SLC24A2: variants seen among roughly 807,000 people sequenced by gnomAD.
SLC24A2 encodes solute carrier family 24 member 2.
In SLC24A2, 36 loss-of-function variants were observed where a neutral mutation model predicts 62.0. The observed-to-expected ratio is 0.58, with a 90% CI of 0.44 to 0.77. SLC24A2 has a LOEUF of 0.77. Among genes scored for constraint, SLC24A2 ranks in the 30% least tolerant of loss-of-function variants. The pLI is 0.00. For missense variants in SLC24A2, 846 were observed against 817.9 expected (o/e 1.03, Z -0.42); for synonymous variants, 358 against 294.0 (o/e 1.22, Z -2.23).
At chr9:19,726,519 G>C (rs937703352) in intron 2 of SLC24A2, among the ~76,000 whole-genome samples, 2 of 152,128 alleles carry the variant, frequency 1.3e-5, no homozygotes, top group African/African-American at 4.8e-5. Context: ...ACAGGAAAAG[G>C]AACAGAAGAG....
At chr9:19,794,929 TCTAC>T in the SLC24A2 span, among the ~76,000 whole-genome samples, 1 of 152,066 alleles carries the variant, frequency 6.6e-6, no homozygotes, top group African/African-American at 2.4e-5. Flanking sequence ...TAAGCTAGAC[TCTAC>T]CTATTTCTAG....
the SLC24A2 span, among the ~76,000 whole-genome samples, chr9:19,963,063 G>A: frequency 6.0e-4 from 92 of 152,092 alleles, no homozygotes; most frequent in East Asian, 0.013. Context: ...AAATAACGCC[G>A]CATATCTACA....
intron 7 of SLC24A2, among the ~76,000 whole-genome samples, chr9:19,556,156 T>C (rs1293467488): frequency 1.3e-5 from 2 of 152,220 alleles, no homozygotes; most frequent in African/African-American, 4.8e-5. Flanking sequence ...TTTTATCTGG[T>C]AAATGGGAGG....
At chr9:19,738,506 C>G (rs755523723) in intron 2 of SLC24A2, among the ~76,000 whole-genome samples, 3 of 149,766 alleles carry the variant, frequency 2.0e-5, no homozygotes, top group Non-Finnish European at 3.0e-5. Flanking sequence ...AACAATAAAG[C>G]AAAAAAGAAA....
the SLC24A2 span, among the ~76,000 whole-genome samples, chr9:19,798,626 A>ACACACACACC: frequency 2.3e-3 from 339 of 150,058 alleles, no homozygotes; most frequent in African/African-American, 7.9e-3. Flanking sequence ...ACACACACAC[A>ACACACACACC]CCCCTGGAAA....
At chr9:19,895,830 C>A in the SLC24A2 span, 1 of 1,604,396 alleles carries the variant, frequency 6.2e-7, no homozygotes, top group South Asian at 1.1e-5. Context: ...TGTGGAAGGA[C>A]CGCTCCTCAG....
chr9:19,846,204 A>G, the SLC24A2 span, among the ~76,000 whole-genome samples: 1 of 152,174 alleles, frequency 6.6e-6, no homozygotes. Context: ...GAAGTCACCC[A>G]TTATTATTGT....
chr9:20,222,852 G>A, the SLC24A2 span, among the ~76,000 whole-genome samples: 9 of 152,124 alleles, frequency 5.9e-5, no homozygotes, highest in Non-Finnish European at 1.0e-4. Flanking sequence ...ACTACAGCAA[G>A]CATTATCTTA....
At chr9:19,718,702 C>A (rs1037915778) in intron 2 of SLC24A2, among the ~76,000 whole-genome samples, 2 of 152,118 alleles carry the variant, frequency 1.3e-5, no homozygotes, top group Non-Finnish European at 2.9e-5. Context: ...ATCACGGACA[C>A]TGAATGACTA....
At chr9:20,131,564 G>A in the SLC24A2 span, among the ~76,000 whole-genome samples, 1 of 152,132 alleles carries the variant, frequency 6.6e-6, no homozygotes, top group African/African-American at 2.4e-5. Flanking sequence ...GGCCTAAGAA[G>A]TAAGATTCAG....
the SLC24A2 span, among the ~76,000 whole-genome samples, chr9:19,988,704 T>A: frequency 5.8e-4 from 88 of 152,244 alleles, no homozygotes; most frequent in African/African-American, 2.1e-3. Context: ...ACAGAGGTGG[T>A]TCTGCTTTTG....
At chr9:20,151,895 C>A in the SLC24A2 span, among the ~76,000 whole-genome samples, 2 of 151,720 alleles carry the variant, frequency 1.3e-5, no homozygotes, top group Non-Finnish European at 2.9e-5. Flanking sequence ...ATCAAAAGAA[C>A]TCATTCCTTT....
the SLC24A2 span, among the ~76,000 whole-genome samples, chr9:20,150,456 T>C: frequency 2.0e-5 from 3 of 152,106 alleles, no homozygotes; most frequent in Non-Finnish European, 2.9e-5. Context: ...ATTAAATGCA[T>C]TGAATAGGTT....
At chr9:19,534,510 C>A (rs1833863044) in intron 8 of SLC24A2, among the ~76,000 whole-genome samples, 1 of 152,018 alleles carries the variant, frequency 6.6e-6, no homozygotes, top group South Asian at 2.1e-4. Flanking sequence ...CTCCCCTAGC[C>A]CCCCACCCCT....
the SLC24A2 span, among the ~76,000 whole-genome samples, chr9:20,190,864 A>G: frequency 6.6e-6 from 1 of 152,266 alleles, no homozygotes. Flanking sequence ...ACCTATTCAC[A>G]GGATTAATGA....
chr9:19,545,919 G>A (rs1834542526), intron 8 of SLC24A2, among the ~76,000 whole-genome samples: 1 of 152,160 alleles, frequency 6.6e-6, no homozygotes, highest in Non-Finnish European at 1.5e-5. Context: ...TTACAGCCGT[G>A]AGCCACTGCA....
intron 2 of SLC24A2, among the ~76,000 whole-genome samples, chr9:19,734,861 T>A (rs201313621): frequency 1.3e-5 from 2 of 152,128 alleles, no homozygotes; most frequent in African/African-American, 4.8e-5. Context: ...AAATTAATTC[T>A]AGATGGATTA....
chr9:20,073,389 C>A, the SLC24A2 span, among the ~76,000 whole-genome samples: 1 of 152,084 alleles, frequency 6.6e-6, no homozygotes, highest in African/African-American at 2.4e-5. Context: ...ATTCAAAAGT[C>A]AACTGGTTTG....
the SLC24A2 span, among the ~76,000 whole-genome samples, chr9:20,088,601 G>C: frequency 3.1e-4 from 47 of 152,290 alleles, no homozygotes; most frequent in South Asian, 9.3e-3. Flanking sequence ...CATCTTCGCT[G>C]TTTTGCATCC....
Sources: gnomAD v4.1 joint callset for allele counts (sites outside exome capture counted in the v4.1 genomes callset) on GRCh38, gnomAD v4.1.1 for gene constraint, MANE v1.5 for transcripts, NCBI Gene and HGNC (gene_info 2026-07-23, HGNC 2026-07-21) for gene names.